GOT2: variants seen among roughly 807,000 people sequenced by gnomAD.
The protein encoded by GOT2 is glutamic-oxaloacetic transaminase 2.
GOT2 carries 17 observed loss-of-function variants against 50.0 expected under a neutral mutation model. The observed-to-expected ratio is 0.34, with a 90% CI of 0.23 to 0.51. The LOEUF (loss-of-function observed/expected upper bound fraction) is 0.51, where lower values mean the gene tolerates loss of function less well. Among genes scored for constraint, GOT2 ranks in the 20% least tolerant of loss-of-function variants. The pLI is 0.97. For missense variants in GOT2, 430 were observed against 559.6 expected (o/e 0.77, Z 2.34); for synonymous variants, 172 against 204.9 (o/e 0.84, Z 1.37).
chr16:58,729,926 T>TA (rs2044820094), intron 1 of GOT2, among the ~76,000 whole-genome samples: 11 of 151,094 alleles, frequency 7.3e-5, no homozygotes, highest in South Asian at 4.2e-4. Flanking sequence ...AATTTTTTTT[T>TA]TAAAAATGTA....
chr16:58,723,691 A>T, intron 2 of GOT2, 55 bp downstream of exon 2: 1 of 1,450,900 alleles, frequency 6.9e-7, no homozygotes, highest in East Asian at 2.3e-5. Flanking sequence ...GCCACTCTCC[A>T]GGGCTCTCTT....
rs368397369 is a variant in GOT2 at position 58,716,153 on chromosome 16, C to G, written c.880G>C (p.Val294Leu). 3.8e-5 allele frequency: 61 copies of G among 1,613,684 alleles called. No homozygotes were observed. The highest frequency in any genetic ancestry group is 1.6e-4 in the Middle Eastern group (1 of 6,078). ...YGERVGAFTM[V>L]CKDADEAKRV... ...TTGGCTTCATCCGCATCTTTGCAGA[C>G]CATAGTGAAGGCTCCTACACGCTCA... Residue 294 changes from valine to leucine, a missense_variant, in exon 8 of 10, where the codon GTC becomes CTC. Transcript: ENST00000245206.
At chr16:58,716,903 G>T (rs1339343448) in intron 6 of GOT2, 90 bp from the exon 7 acceptor site, 2 of 1,227,878 alleles carry the variant, frequency 1.6e-6, no homozygotes, top group East Asian at 2.3e-5. Flanking sequence ...TATGTGAGGT[G>T]GGCATGGTCC....
intron 6 of GOT2, among the ~76,000 whole-genome samples, chr16:58,717,121 C>T (rs1428672699): frequency 6.6e-6 from 1 of 152,128 alleles, no homozygotes; most frequent in African/African-American, 2.4e-5. Context: ...TGTCTATAAT[C>T]CCAGCACTTT....
chr16:58,713,836 C>T (rs952691562), intron 8 of GOT2, among the ~76,000 whole-genome samples: 13 of 152,144 alleles, frequency 8.5e-5, no homozygotes, highest in African/African-American at 3.1e-4. Flanking sequence ...CTTTATAGGC[C>T]ATATGGTCTC....
Position 58,718,229 on chromosome 16 carries a change from C to A in GOT2, c.669G>T (p.Pro223=), listed in dbSNP as rs375719655. The A allele has an allele frequency of 1.2e-6, 2 of 1,613,798 alleles. No individual in the cohort carries two copies. Among genetic ancestry groups the A allele is most frequent in the African/African-American group, 2.7e-5 (2 of 75,034 alleles). Residue 223 remains proline, a synonymous_variant, in exon 6 of 10, where the codon CCG becomes CCT. Transcript: ENST00000245206. ...AHNPTGVDPR[P]EQWKEIATVV... is the part of the protein sequence containing the mutation. ...CTGTTGCTATTTCCTTCCACTGTTC[C>A]GGACGCGGGTCCACTCCCGTGGGAT...
chr16:58,720,947 T>C (rs555758776), intron 3 of GOT2, among the ~76,000 whole-genome samples: 2 of 152,214 alleles, frequency 1.3e-5, no homozygotes, highest in South Asian at 2.1e-4. Context: ...GTTTCATACT[T>C]AGGTTGTTAT....
intron 1 of GOT2, among the ~76,000 whole-genome samples, chr16:58,731,962 T>G (rs2044837954): frequency 6.6e-6 from 1 of 152,234 alleles, no homozygotes; most frequent in Admixed American, 6.5e-5. Context: ...TGGCATCTGA[T>G]TCTGTCACCT....
intron 1 of GOT2, among the ~76,000 whole-genome samples, chr16:58,731,805 A>G (rs892244754): frequency 3.3e-5 from 5 of 152,262 alleles, no homozygotes; most frequent in Non-Finnish European, 7.3e-5. Context: ...GTTTTATTGT[A>G]TTAGAATGAG....
chr16:58,730,010 G>C lies in GOT2; in HGVS notation c.89+4130C>G, dbSNP rs138558730. Among the ~76,000 whole-genome samples the C allele has an allele frequency of 5.1e-4, 78 of 152,176 alleles. No homozygotes were observed. The Middle Eastern group carries it at 0.01, about 20-fold the overall frequency. On this transcript the variant is annotated intron_variant, in intron 1 of 9. Coordinates refer to ENST00000245206, the MANE Select transcript of GOT2 (RefSeq NM_002080.4). ...ATGAAGTACAGATTAAAGAACACAG[G>C]TATGAAAACTATGTATCTATTGCTT...
intron 6 of GOT2, among the ~76,000 whole-genome samples, chr16:58,717,685 T>A (rs1157048630): frequency 6.6e-6 from 1 of 152,004 alleles, no homozygotes; most frequent in Non-Finnish European, 1.5e-5. Flanking sequence ...AGGAAAAAAA[T>A]TATTTTCTTT....
In GOT2 at chr16:58,710,396, C is replaced by CTTT. The variant is rs774270272; in HGVS notation, c.1020-832_1020-830dup. ...CACCATGCCTTGCTAATTTTCTTTTCTTTTTTTTTTTTTTTTGTAGAGACA... is the reference window on the plus strand; with the variant it reads ...CACCATGCCTTGCTAATTTTCTTTTCTTTTTTTTTTTTTTTTTTTGTAGAGACA... On this transcript the variant is annotated intron_variant, in intron 8 of 9. Coordinates refer to ENST00000245206, the MANE Select transcript of GOT2 (RefSeq NM_002080.4). 2.8e-3 allele frequency among the ~76,000 whole-genome samples: 384 copies of CTTT among 138,738 alleles called. 2 individuals are homozygous for CTTT. Among genetic ancestry groups the CTTT allele is most frequent in the African/African-American group, 9.3e-3 (356 of 38,240 alleles). The allele number at this position is 138,738 out of a possible 152,430, so 91.0% of individuals were successfully genotyped here. A position where few individuals can be genotyped will look rare whatever the true frequency, so the allele number is the denominator to read the frequency against.
chr16:58,710,967 C>CAAAAAAAAAAAA (rs35679170), intron 8 of GOT2, among the ~76,000 whole-genome samples: 2 of 73,036 alleles, frequency 2.7e-5, no homozygotes, highest in African/African-American at 1.2e-4. Flanking sequence ...GACTCTGTCT[C>CAAAAAAAAAAAA]AAAAAAAAAA....
chr16:58,727,612 G>C lies in GOT2; in HGVS notation c.90-3710C>G, dbSNP rs374455562. Among the ~76,000 whole-genome samples the C allele has an allele frequency of 4.5e-4, 69 of 152,264 alleles. 1 individual carries two copies. Among genetic ancestry groups the C allele is most frequent in the African/African-American group, 1.6e-3 (65 of 41,540 alleles). ...GGGCACTGCAGGGAGATGATGGATA[G>C]TGATACACACCTACCCAGGGCATTA... On this transcript the variant is annotated intron_variant, in intron 1 of 9. Coordinates refer to ENST00000245206, the MANE Select transcript of GOT2 (RefSeq NM_002080.4).
intron 1 of GOT2, among the ~76,000 whole-genome samples, chr16:58,732,319 AG>A (rs1014301264): frequency 6.6e-6 from 1 of 152,046 alleles, no homozygotes; most frequent in Admixed American, 6.6e-5. Flanking sequence ...AAAAAAAAAA[AG>A]GGAATTTTTT....
rs2044698530 is a variant in GOT2, at chr16:58,716,776, T to C, written c.740A>G (p.Gln247Arg). ...ATCACCATCACCACTGGCAAAGCCTTGGTAGGCCATGTCAAAGAACGCAAA... is the reference window on the plus strand; with the variant it reads ...ATCACCATCACCACTGGCAAAGCCTCGGTAGGCCATGTCAAAGAACGCAAA... The part of the protein sequence containing the change: ...NLFAFFDMAY[Q>R]GFASGDGDKD... The change falls in exon 7 of 10, where the codon CAA becomes CGA. Residue 247 changes from glutamine to arginine, a missense_variant. Transcript: ENST00000245206. 1 of 1,614,158 alleles carries C rather than the reference T, an allele frequency of 6.2e-7. No individual in the cohort carries two copies. Among genetic ancestry groups the C allele is most frequent in the Non-Finnish European group, 8.5e-7 (1 of 1,179,966 alleles).
chr16:58,709,362 C>T (rs1042333699), intron 9 of GOT2, 55 bp downstream of exon 9: 22 of 1,346,924 alleles, frequency 1.6e-5, no homozygotes, highest in Middle Eastern at 2.0e-4. Flanking sequence ...AGTAATCCTT[C>T]GGGTTTGCAA....
intron 7 of GOT2, 36 bp from the exon 8 acceptor site, chr16:58,716,215 A>G: frequency 6.3e-7 from 1 of 1,594,388 alleles, no homozygotes; most frequent in Non-Finnish European, 8.6e-7. Flanking sequence ...TTCTACTTCT[A>G]CTATCTAATG....
chr16:58,721,341 C>T (rs1489404722), intron 3 of GOT2, among the ~76,000 whole-genome samples: 2 of 152,146 alleles, frequency 1.3e-5, no homozygotes, highest in Non-Finnish European at 2.9e-5. Context: ...CACGAGTTCA[C>T]ATGTTGGGAG....
Sources: allele counts gnomAD v4.1 joint callset (sites outside exome capture counted in the v4.1 genomes callset), GRCh38; gene constraint gnomAD v4.1.1; transcripts MANE v1.5; gene names NCBI Gene and HGNC (gene_info 2026-07-23, HGNC 2026-07-21).